The following PRELID2 variants were observed in gnomAD, a reference collection of about 807,000 sequenced individuals.
PRELID2 encodes the protein PRELI domain-containing protein 2.
Under a neutral mutation model 28.4 loss-of-function variants are expected in PRELID2, and 25 were observed. The observed-to-expected ratio is 0.88, with a 90% CI of 0.64 to 1.23. The LOEUF is 1.23. PRELID2 is among the 50% of genes most tolerant of loss of function. The probability of loss-of-function intolerance (pLI) is 0.00; values close to 1 mark genes in which losing one functional copy is unlikely to be tolerated. For synonymous variants in PRELID2, 76 were observed against 71.6 expected (o/e 1.06, Z -0.31); for missense variants, 201 against 214.4 (o/e 0.94, Z 0.39).
chr5:145,381,093 T>C, the PRELID2 span, among the ~76,000 whole-genome samples: 4 of 152,158 alleles, frequency 2.6e-5, no homozygotes, highest in African/African-American at 9.7e-5. Context: ...TCTGAACAAG[T>C]TGTCTCTAAA....
chr5:145,289,846 T>C, the PRELID2 span, among the ~76,000 whole-genome samples: 22 of 152,332 alleles, frequency 1.4e-4, no homozygotes, highest in African/African-American at 5.1e-4. Context: ...ATTTATCTAA[T>C]GATAAATGAC....
chr5:145,325,932 GA>G, the PRELID2 span, among the ~76,000 whole-genome samples: 9 of 152,176 alleles, frequency 5.9e-5, no homozygotes, highest in African/African-American at 2.2e-4. Context: ...TCATGACAGA[GA>G]AACTGACACC....
At chr5:145,550,502 G>C (rs768563373) in intron 1 of PRELID2, among the ~76,000 whole-genome samples, 1 of 152,172 alleles carries the variant, frequency 6.6e-6, no homozygotes, top group South Asian at 2.1e-4. Context: ...TTGAGACCAG[G>C]AGATAAGGCT....
the PRELID2 span, among the ~76,000 whole-genome samples, chr5:145,451,702 T>G: frequency 1.3e-5 from 2 of 152,192 alleles, no homozygotes; most frequent in Non-Finnish European, 1.5e-5. Flanking sequence ...CAATAGAATT[T>G]CAGGAGTAAG....
the PRELID2 span, among the ~76,000 whole-genome samples, chr5:145,361,732 T>C: frequency 6.6e-6 from 1 of 152,320 alleles, no homozygotes; most frequent in Middle Eastern, 3.4e-3. Context: ...TGATCTGGCC[T>C]TGTTCTGAGT....
intron 1 of PRELID2, among the ~76,000 whole-genome samples, chr5:145,627,121 A>C (rs1439620068): frequency 4.0e-5 from 4 of 101,226 alleles, no homozygotes; most frequent in African/African-American, 1.8e-4. Flanking sequence ...AAAAAAAAAA[A>C]AAAAAAAAAA....
chr5:145,368,790 T>A, the PRELID2 span, among the ~76,000 whole-genome samples: 1 of 151,860 alleles, frequency 6.6e-6, no homozygotes, highest in South Asian at 2.1e-4. Flanking sequence ...CTTTCATTTT[T>A]TTTGTTGTTG....
intron 1 of PRELID2, among the ~76,000 whole-genome samples, chr5:145,542,771 T>TTC (rs760028212): frequency 6.8e-6 from 1 of 147,758 alleles, no homozygotes. Flanking sequence ...CTTTCTTTCT[T>TTC]TCTTTCTTTC....
At chr5:145,376,933 T>C in the PRELID2 span, among the ~76,000 whole-genome samples, 2 of 152,166 alleles carry the variant, frequency 1.3e-5, no homozygotes, top group African/African-American at 4.8e-5. Context: ...CTGCTAGTTT[T>C]GGTTGTGTTT....
chr5:145,372,734 G>A, the PRELID2 span, among the ~76,000 whole-genome samples: 110 of 150,750 alleles, frequency 7.3e-4, 1 homozygote, highest in African/African-American at 2.6e-3. Flanking sequence ...TTTAGCCTAG[G>A]TGGGTCTTTG....
In PRELID2 at chr5:145,544,970, AT is replaced by A. The variant is rs542953316; in HGVS notation, n.71-71656del. ...AGCACGGGTGTTCATGTCAAGTCGA[AT>A]TTTTTTCTTCAAACCCACACTCTGA... On this transcript the variant is annotated intron_variant and non_coding_transcript_variant, in intron 1 of 2. Coordinates refer to the PRELID2 transcript ENST00000510259. Among the ~76,000 whole-genome samples the A allele has an allele frequency of 3.3e-4, 50 of 152,018 alleles. 1 individual carries two copies. Among genetic ancestry groups the A allele is most frequent in the Non-Finnish European group, 6.9e-4 (47 of 67,988 alleles).
At chr5:145,400,137 T>C in the PRELID2 span, among the ~76,000 whole-genome samples, 1 of 152,164 alleles carries the variant, frequency 6.6e-6, no homozygotes, top group African/African-American at 2.4e-5. Context: ...CAGGCATCAG[T>C]CATTATGCAA....
the PRELID2 span, among the ~76,000 whole-genome samples, chr5:145,243,290 G>A: frequency 1.3e-5 from 2 of 151,980 alleles, no homozygotes; most frequent in Non-Finnish European, 2.9e-5. Context: ...CTATCAGTAA[G>A]CGTGCCAGCA....
the PRELID2 span, among the ~76,000 whole-genome samples, chr5:145,409,231 G>A: frequency 6.6e-6 from 1 of 151,984 alleles, no homozygotes; most frequent in African/African-American, 2.4e-5. Context: ...TCAAAACTTT[G>A]AAACAAACCT....
chr5:145,319,120 CGT>C, the PRELID2 span, among the ~76,000 whole-genome samples: 1 of 151,946 alleles, frequency 6.6e-6, no homozygotes. Flanking sequence ...TATAGGGGGG[CGT>C]TGTGGGTCAG....
the PRELID2 span, among the ~76,000 whole-genome samples, chr5:145,462,777 T>C: frequency 1.4e-4 from 22 of 152,364 alleles, no homozygotes; most frequent in African/African-American, 5.1e-4. Flanking sequence ...ACACTCTCCA[T>C]ACGGTTACTC....
At chr5:145,490,373 C>A (rs1014355234) in intron 1 of PRELID2, among the ~76,000 whole-genome samples, 24 of 152,174 alleles carry the variant, frequency 1.6e-4, no homozygotes, top group African/African-American at 5.8e-4. Flanking sequence ...CTGTCTAAAA[C>A]CTCATCCGCT....
the PRELID2 span, among the ~76,000 whole-genome samples, chr5:145,291,946 T>G: frequency 6.6e-6 from 1 of 152,210 alleles, no homozygotes. Context: ...TTTGTGTGGG[T>G]CTGAGCAACA....
intron 5 of PRELID2, among the ~76,000 whole-genome samples, chr5:145,787,882 T>G (rs189032866): frequency 1.3e-5 from 2 of 152,162 alleles, no homozygotes; most frequent in Admixed American, 1.3e-4. Context: ...ATATAGTATA[T>G]GAACAAATAA....
Sources: gnomAD v4.1 joint callset for allele counts (sites outside exome capture counted in the v4.1 genomes callset) on GRCh38, gnomAD v4.1.1 for gene constraint, MANE v1.5 for transcripts, NCBI Gene and HGNC (gene_info 2026-07-23, HGNC 2026-07-21) for gene names.